Variants in WNK2 observed in about 807,000 individuals in gnomAD.
WNK2 encodes WNK lysine deficient protein kinase 2.
WNK2 carries 67 observed loss-of-function variants against 192.1 expected under a neutral mutation model. That is an observed-to-expected ratio of 0.35 (90% CI 0.29 to 0.43). The LOEUF (loss-of-function observed/expected upper bound fraction) is 0.43, where lower values mean the gene tolerates loss of function less well. Among genes scored for constraint, WNK2 ranks in the 20% least tolerant of loss-of-function variants. WNK2 has a pLI of 1.00. For missense variants in WNK2, 2,698 were observed against 3,089.7 expected (o/e 0.87, Z 3.01); for synonymous variants, 1,439 against 1,393.9 (o/e 1.03, Z -0.72).
chr9:93,234,653 G>T (rs1194012493), intron 4 of WNK2, among the ~76,000 whole-genome samples, 155 bp from the exon 5 acceptor site: 1 of 152,190 alleles, frequency 6.6e-6, no homozygotes, highest in Non-Finnish European at 1.5e-5. Context: ...CCAAGTGAGG[G>T]GCAGGGCTGG....
At chr9:93,233,447 G>C (rs1471929927) in intron 4 of WNK2, among the ~76,000 whole-genome samples, 16 of 152,084 alleles carry the variant, frequency 1.1e-4, no homozygotes. Flanking sequence ...TCTAATCCCA[G>C]TACTTTGGGA....
intron 2 of WNK2, among the ~76,000 whole-genome samples, chr9:93,206,971 A>G (rs1833508718): frequency 6.6e-6 from 1 of 152,074 alleles, no homozygotes; most frequent in Non-Finnish European, 1.5e-5. Flanking sequence ...CTGTCTCTTT[A>G]TCTGCTGAGT....
chr9:93,297,430 A>G lies in WNK2; in HGVS notation c.5709-423A>G, dbSNP rs117643504. 8.8e-3 allele frequency among the ~76,000 whole-genome samples: 1,342 copies of G among 152,192 alleles called. 13 individuals are homozygous for G. Among genetic ancestry groups the G allele is most frequent in the Middle Eastern group, 0.014 (4 of 294 alleles). ...GTTGCATTGGTCTGAGCTGCCTTCC[A>G]CTGTCTGTTTCCCCTGTGGAGGAAA... On this transcript the variant is annotated intron_variant, in intron 23 of 29. Coordinates refer to ENST00000427277, the MANE Select transcript of WNK2 (RefSeq NM_006648.4).
intron 19 of WNK2, among the ~76,000 whole-genome samples, chr9:93,276,989 C>T (rs996288741): frequency 3.3e-5 from 5 of 151,536 alleles, no homozygotes; most frequent in African/African-American, 4.9e-5. Flanking sequence ...GAGCTGAGAT[C>T]GCGCCACTGC....
intron 2 of WNK2, among the ~76,000 whole-genome samples, chr9:93,206,419 T>G: frequency 6.6e-6 from 1 of 152,144 alleles, no homozygotes; most frequent in African/African-American, 2.4e-5. Flanking sequence ...GGCATGCACT[T>G]GCCCTGGCTC....
chr9:93,243,734 G>A (rs1285962086), intron 7 of WNK2, among the ~76,000 whole-genome samples: 3 of 152,144 alleles, frequency 2.0e-5, no homozygotes, highest in African/African-American at 7.2e-5. Context: ...GCCTTTCCAG[G>A]TTCTAACCTC....
At chr9:93,303,208 C>T (rs563535940) in intron 26 of WNK2, among the ~76,000 whole-genome samples, 1 of 152,304 alleles carries the variant, frequency 6.6e-6, no homozygotes, top group African/African-American at 2.4e-5. Flanking sequence ...GTGGGAGCCA[C>T]CACACCTGGC....
At chr9:93,312,884 C>G (rs181800587) in intron 28 of WNK2, among the ~76,000 whole-genome samples, 1 of 152,326 alleles carries the variant, frequency 6.6e-6, no homozygotes, top group Admixed American at 6.5e-5. Flanking sequence ...CTGGCTCTGT[C>G]CACTCTGCCA....
At chr9:93,232,690 C>T (rs577765863) in intron 4 of WNK2, among the ~76,000 whole-genome samples, 32 of 152,158 alleles carry the variant, frequency 2.1e-4, no homozygotes, top group Non-Finnish European at 4.1e-4. Flanking sequence ...AACGAAGTTT[C>T]GAGTTGCTGG....
At chr9:93,270,271 C>T (rs1027494566) in intron 19 of WNK2, among the ~76,000 whole-genome samples, 4 of 152,176 alleles carry the variant, frequency 2.6e-5, no homozygotes, top group Non-Finnish European at 4.4e-5. Flanking sequence ...GGCATGTGCA[C>T]GGAAGGCCTT....
chr9:93,191,443 G>T lies in WNK2; in HGVS notation c.681+5833G>T, dbSNP rs577540190. Among the ~76,000 whole-genome samples, 18 of 152,234 alleles carry T rather than the reference G, an allele frequency of 1.2e-4. 1 individual carries two copies. Among genetic ancestry groups the T allele is most frequent in the Non-Finnish European group, 2.5e-4 (17 of 68,014 alleles). On this transcript the variant is annotated intron_variant, in intron 2 of 29. Transcript: ENST00000427277. Reference sequence around the variant, plus strand: ...AGCAGGACAGGTCACCGCCCTGGGAGACAGAGCCTGTGAGACCTGGAAATG... The same window carrying T: ...AGCAGGACAGGTCACCGCCCTGGGATACAGAGCCTGTGAGACCTGGAAATG...
chr9:93,256,478 C>G, intron 10 of WNK2, 24 bp downstream of exon 10: 1 of 1,499,480 alleles, frequency 6.7e-7, no homozygotes, highest in Non-Finnish European at 8.9e-7. Flanking sequence ...CTCCTGTGGC[C>G]ACTGTCCCTC....
intron 11 of WNK2, among the ~76,000 whole-genome samples, chr9:93,258,588 T>C (rs372119991): frequency 1.3e-5 from 2 of 152,154 alleles, no homozygotes; most frequent in African/African-American, 4.8e-5. Context: ...CTATGTGAGC[T>C]GCCCCTGACT....
chr9:93,288,488 C>T (rs1257471361), intron 19 of WNK2, among the ~76,000 whole-genome samples: 3 of 152,222 alleles, frequency 2.0e-5, no homozygotes. Context: ...CTGATGGTCA[C>T]ACGCTACAGA....
At chr9:93,243,857 A>G (rs111238615) in intron 7 of WNK2, among the ~76,000 whole-genome samples, 96 of 152,352 alleles carry the variant, frequency 6.3e-4, no homozygotes, top group African/African-American at 2.0e-3. Flanking sequence ...CCGTGATGCA[A>G]TGAAAACAGC....
intron 2 of WNK2, among the ~76,000 whole-genome samples, chr9:93,206,375 C>T (rs995432818): frequency 2.0e-5 from 3 of 152,202 alleles, no homozygotes; most frequent in South Asian, 2.1e-4. Context: ...ACCCCTTCAC[C>T]GCCCTGGCCT....
chr9:93,241,227 C>G (rs35526957), intron 7 of WNK2, among the ~76,000 whole-genome samples: 127 of 152,316 alleles, frequency 8.3e-4, no homozygotes, highest in Middle Eastern at 3.4e-3. Flanking sequence ...CAACTTGATA[C>G]GAAGGACAGG....
intron 8 of WNK2, among the ~76,000 whole-genome samples, 199 bp from the exon 9 acceptor site, chr9:93,252,684 A>C (rs574189673): frequency 2.0e-5 from 3 of 152,200 alleles, no homozygotes; most frequent in Non-Finnish European, 2.9e-5. Context: ...AGACATGGGC[A>C]GTGTTGGAGT....
rs769095973 is a variant in WNK2, at chr9:93,247,703, C to T, written c.1703C>T (p.Pro568Leu). 7.5e-5 allele frequency: 118 copies of T among 1,564,372 alleles called. 2 individuals are homozygous for T. The Admixed American group carries it at 9.8e-4, about 13-fold the overall frequency. ...AGCCCGGACAAGGCCAGGGGTCCGC[C>T]GGTGCCCCTGCAGGTCCAGGTGACC... ...VGSPDKARGP[P>L]VPLQVQVTYH... is the part of the protein sequence containing the mutation. Residue 568 changes from proline to leucine, a missense_variant, in exon 8 of 30, where the codon CCG becomes CTG. Physicochemically the swap from Pro to Leu is moderately conservative, Grantham distance 98. Transcript: ENST00000427277. This position sits in a 1 kb window ranked among gnomAD's most constrained non-coding sequence, Gnocchi z 5.2.
Sources: allele counts gnomAD v4.1 joint callset (sites outside exome capture counted in the v4.1 genomes callset), GRCh38; gene constraint gnomAD v4.1.1; non-coding constraint Gnocchi (gnomAD v3.1); transcripts MANE v1.5; gene names NCBI Gene and HGNC (gene_info 2026-07-23, HGNC 2026-07-21).